The following FAM240B variants were observed in gnomAD, a reference collection of about 807,000 sequenced individuals.
FAM240B encodes the protein family with sequence similarity 240 member B.
intron 2 of FAM240B, among the ~76,000 whole-genome samples, chr9:38,697,056 G>A (rs1016947812): frequency 6.6e-6 from 1 of 152,080 alleles, no homozygotes; most frequent in African/African-American, 2.4e-5. Flanking sequence ...TGTCACCTAG[G>A]ATCTTTTAAA....
intron 1 of FAM240B, among the ~76,000 whole-genome samples, chr9:38,704,886 T>C (rs932094747): frequency 2.0e-5 from 3 of 152,170 alleles, no homozygotes; most frequent in African/African-American, 7.2e-5. Context: ...TGAACCTAGG[T>C]CTGTCCATCT....
intron 2 of FAM240B, among the ~76,000 whole-genome samples, chr9:38,701,776 G>A (rs1225077434): frequency 2.0e-5 from 3 of 152,140 alleles, no homozygotes; most frequent in African/African-American, 7.2e-5. Context: ...TCATTTCTAG[G>A]GAACATGGGA....
At chr9:38,719,536 C>T (rs4878849) in intron 1 of FAM240B, among the ~76,000 whole-genome samples, 75,827 of 151,890 alleles carry the variant, frequency 0.5, 19,227 homozygotes, top group African/African-American at 0.58. Flanking sequence ...TCAACTCAGA[C>T]GAAAGGGAAT....
intron 1 of FAM240B, among the ~76,000 whole-genome samples, chr9:38,709,701 G>A (rs2119009541): frequency 6.6e-6 from 1 of 152,334 alleles, no homozygotes; most frequent in East Asian, 1.9e-4. Context: ...GAAATACTAA[G>A]CAATGTGCAG....
chr9:38,702,332 G>C (rs1821138590), intron 2 of FAM240B, among the ~76,000 whole-genome samples: 1 of 152,206 alleles, frequency 6.6e-6, no homozygotes, highest in Non-Finnish European at 1.5e-5. Flanking sequence ...GCTTAAGAAA[G>C]GATTTTGTCT....
chr9:38,694,652 C>G lies in FAM240B; in HGVS notation c.*124G>C. On this transcript the variant is annotated 3_prime_UTR_variant, in exon 3 of 3. Transcript: ENST00000637493. ...GGGGGAGGTTTCACATGTAAATCCC[C>G]TAGCAAATGGAAGCACAAATAGAGA... 2.5e-6 allele frequency: 1 copy of G among 396,032 alleles called. No homozygotes were observed. The highest frequency in any genetic ancestry group is 4.4e-6 in the Non-Finnish European group (1 of 224,856). 24.5% of individuals were successfully genotyped at this position (396,032 alleles called of 1,614,324 possible).
intron 1 of FAM240B, among the ~76,000 whole-genome samples, chr9:38,707,181 A>C (rs1305615997): frequency 1.3e-5 from 2 of 152,324 alleles, no homozygotes; most frequent in East Asian, 3.9e-4. Context: ...ATTTAGAAAA[A>C]GGATAGCTTG....
intron 1 of FAM240B, among the ~76,000 whole-genome samples, chr9:38,707,350 G>C (rs547513755): frequency 5.3e-5 from 8 of 152,164 alleles, no homozygotes; most frequent in Non-Finnish European, 1.0e-4. Context: ...TGGGAGGAAG[G>C]TGTGGTTTGG....
At chr9:38,717,919 T>G (rs1821327733) in intron 1 of FAM240B, among the ~76,000 whole-genome samples, 1 of 152,226 alleles carries the variant, frequency 6.6e-6, no homozygotes, top group Non-Finnish European at 1.5e-5. Context: ...GTGTTTCCCA[T>G]TTTACTTTAC....
At chr9:38,716,940 C>A (rs1821309896) in intron 1 of FAM240B, among the ~76,000 whole-genome samples, 1 of 152,180 alleles carries the variant, frequency 6.6e-6, no homozygotes, top group Non-Finnish European at 1.5e-5. Context: ...GGGTGGATGT[C>A]CCACATTCCT....
At chr9:38,699,299 G>C (rs988569042) in intron 2 of FAM240B, among the ~76,000 whole-genome samples, 1 of 152,138 alleles carries the variant, frequency 6.6e-6, no homozygotes, top group African/African-American at 2.4e-5. Context: ...GAGGACAACT[G>C]GATCTATAAT....
chr9:38,714,148 C>T (rs1821285363), intron 1 of FAM240B, among the ~76,000 whole-genome samples: 2 of 152,008 alleles, frequency 1.3e-5, no homozygotes, highest in Non-Finnish European at 1.5e-5. Context: ...AGTTACAACC[C>T]AAAGAATGAA....
chr9:38,706,667 T>C (rs1331321021), intron 1 of FAM240B, among the ~76,000 whole-genome samples: 1 of 152,170 alleles, frequency 6.6e-6, no homozygotes, highest in Non-Finnish European at 1.5e-5. Flanking sequence ...TTCTGCAGTC[T>C]GCCAGGCTGG....
chr9:38,703,711 T>A (rs185540877), intron 2 of FAM240B, 146 bp downstream of exon 2: 1 of 394,706 alleles, frequency 2.5e-6, no homozygotes, highest in Non-Finnish European at 4.5e-6. Flanking sequence ...CTCCTGTCAC[T>A]GCACAGAATT....
At chr9:38,698,059 G>C (rs1220344081) in intron 2 of FAM240B, among the ~76,000 whole-genome samples, 1 of 152,220 alleles carries the variant, frequency 6.6e-6, no homozygotes, top group African/African-American at 2.4e-5. Flanking sequence ...CAGTGGCACA[G>C]CTGAAGAGCT....
chr9:38,700,497 C>T (rs1821113178), intron 2 of FAM240B, among the ~76,000 whole-genome samples: 1 of 152,176 alleles, frequency 6.6e-6, no homozygotes, highest in African/African-American at 2.4e-5. Context: ...GTTATAGCTA[C>T]TGGCTGGGCA....
At chr9:38,702,753 C>T (rs1426353468) in intron 2 of FAM240B, among the ~76,000 whole-genome samples, 1 of 149,950 alleles carries the variant, frequency 6.7e-6, no homozygotes, top group East Asian at 2.0e-4. Flanking sequence ...AATCTTGGTA[C>T]ATATTATCCC....
chr9:38,717,748 C>T (rs1458322801), intron 1 of FAM240B, among the ~76,000 whole-genome samples: 2 of 152,092 alleles, frequency 1.3e-5, no homozygotes, highest in Non-Finnish European at 2.9e-5. Flanking sequence ...TCCCAAAGTT[C>T]TGGGATTACA....
chr9:38,719,796 G>T (rs921341977), intron 1 of FAM240B, among the ~76,000 whole-genome samples: 12 of 152,164 alleles, frequency 7.9e-5, no homozygotes, highest in Admixed American at 3.9e-4. Flanking sequence ...TGAAATTTCT[G>T]CATCATTGAC....
Sources: gnomAD v4.1 joint callset for allele counts (sites outside exome capture counted in the v4.1 genomes callset) on GRCh38, gnomAD v4.1.1 for gene constraint, MANE v1.5 for transcripts, NCBI Gene and HGNC (gene_info 2026-07-23, HGNC 2026-07-21) for gene names.